KCNQ2: variants seen among roughly 807,000 people sequenced by gnomAD.
KCNQ2 encodes potassium voltage-gated channel subfamily Q member 2.
KCNQ2 carries 14 observed loss-of-function variants against 84.8 expected under a neutral mutation model. The observed-to-expected ratio is 0.17, with a 90% CI of 0.11 to 0.26. The LOEUF is 0.26. Among genes scored for constraint, KCNQ2 ranks in the 10% least tolerant of loss-of-function variants. KCNQ2 has a pLI of 1.00. For missense variants in KCNQ2, 788 were observed against 1,254.0 expected (o/e 0.63, Z 5.61); for synonymous variants, 599 against 554.1 (o/e 1.08, Z -1.14).
chr20:63,459,461 G>C (rs1416170042), intron 1 of KCNQ2: 2 of 152,260 alleles, frequency 1.3e-5, no homozygotes, highest in Non-Finnish European at 2.9e-5. Flanking sequence ...GCAGTGAGCT[G>C]TGATTGAGAC....
intron 10 of KCNQ2, among the ~76,000 whole-genome samples, chr20:63,424,837 G>A (rs1016204654): frequency 1.3e-5 from 2 of 152,248 alleles, no homozygotes; most frequent in Admixed American, 6.5e-5. Context: ...TCGGCGGATC[G>A]TGATTTGGCT....
chr20:63,468,743 C>G (rs1052702893), intron 1 of KCNQ2, among the ~76,000 whole-genome samples: 6 of 152,226 alleles, frequency 3.9e-5, no homozygotes, highest in African/African-American at 1.4e-4. Flanking sequence ...GGGACAGGCC[C>G]TCCCCGGTGC....
intron 9 of KCNQ2, 51 bp from the exon 10 acceptor site, chr20:63,428,486 G>C: frequency 5.5e-6 from 8 of 1,453,256 alleles, no homozygotes; most frequent in Non-Finnish European, 5.7e-6. Context: ...CCCGAGTCCT[G>C]GGACACCTCC....
intron 14 of KCNQ2, among the ~76,000 whole-genome samples, chr20:63,413,821 G>C (rs1339298821): frequency 3.3e-5 from 5 of 152,210 alleles, no homozygotes; most frequent in Admixed American, 3.3e-4. Flanking sequence ...GCAGGCAGAA[G>C]GTGGCTGAGT....
intron 1 of KCNQ2, among the ~76,000 whole-genome samples, chr20:63,456,518 C>T (rs1234448155): frequency 2.0e-5 from 3 of 152,134 alleles, no homozygotes; most frequent in African/African-American, 7.2e-5. Context: ...GGAGGGAAGG[C>T]GTCACCACCT....
intron 1 of KCNQ2, among the ~76,000 whole-genome samples, chr20:63,450,796 G>A (rs1159829941): frequency 1.3e-5 from 2 of 151,820 alleles, no homozygotes; most frequent in African/African-American, 2.4e-5. Flanking sequence ...TGTCTCACAG[G>A]GCACTCTACC....
At chr20:63,432,691 GCC>G (rs2080855350) in intron 8 of KCNQ2, among the ~76,000 whole-genome samples, 1 of 124,972 alleles carries the variant, frequency 8.0e-6, no homozygotes, top group Admixed American at 7.9e-5. Flanking sequence ...CTCAGGGAAG[GCC>G]CCACCCTCTG....
At position 63,407,037 on chromosome 20, in the gene KCNQ2, G is replaced by A. The variant is rs1241315275; in HGVS notation, c.2226C>T (p.Ile742=). 27 of 1,519,204 alleles carry A rather than the reference G, an allele frequency of 1.8e-5. 1 individual carries two copies. The Admixed American group carries it at 5.5e-4, about 31-fold the overall frequency. The allele number at this position is 1,519,204 out of a possible 1,614,324, so 94.1% of individuals were successfully genotyped here. ...PVGDHGSLVR[I]PPPPAHERSL... ...ACCGCTCGTGGGCAGGCGGCGGCGG[G>A]ATGCGCACCAGGGAGCCGTGGTCCC... The change falls in exon 17 of 17, where the codon ATC becomes ATT. Residue 742 remains isoleucine, a synonymous_variant. Transcript: ENST00000359125. The surrounding 1 kb of genome is among the most constrained non-coding windows in gnomAD (Gnocchi z 7.2).
chr20:63,468,407 G>C (rs955755500), intron 1 of KCNQ2, among the ~76,000 whole-genome samples: 1 of 152,226 alleles, frequency 6.6e-6, no homozygotes, highest in Non-Finnish European at 1.5e-5. Context: ...ACCAAGAAGA[G>C]AGTGTCTGAA....
At chr20:63,470,178 C>T (rs997612727) in intron 1 of KCNQ2, among the ~76,000 whole-genome samples, 19 of 151,816 alleles carry the variant, frequency 1.3e-4, no homozygotes, top group South Asian at 8.3e-4. Context: ...CCAAAGGGGC[C>T]GCCTCCCTGA....
chr20:63,410,786 C>G (rs947124487), intron 15 of KCNQ2, among the ~76,000 whole-genome samples: 1 of 152,206 alleles, frequency 6.6e-6, no homozygotes, highest in East Asian at 1.9e-4. Flanking sequence ...CCCACCAGCT[C>G]AGGCCTGGGC....
chr20:63,450,442 G>A (rs1206447182), intron 1 of KCNQ2, among the ~76,000 whole-genome samples: 2 of 126,778 alleles, frequency 1.6e-5, no homozygotes, highest in East Asian at 2.3e-4. Flanking sequence ...GGTGTGGGAC[G>A]CTGTGGCTGC....
chr20:63,471,588 G>C (rs1364810510), intron 1 of KCNQ2: 1 of 152,860 alleles, frequency 6.5e-6, no homozygotes, highest in Non-Finnish European at 1.5e-5. Flanking sequence ...GGGCCAGGGA[G>C]GGGCGTCGGC....
At chr20:63,418,753 G>A (rs761230794) in intron 12 of KCNQ2, among the ~76,000 whole-genome samples, 12 of 152,196 alleles carry the variant, frequency 7.9e-5, no homozygotes, top group Non-Finnish European at 1.3e-4. Context: ...AAGCACCAAC[G>A]CCCCCAGAAG....
rs185287315 is a variant in KCNQ2 at position 63,472,551 on chromosome 20, C to G, written c.-88G>C. ...GGCGCGGGCCCCAGCCCAGGCCCCC[C>G]GGCCGGGAGCCGCATGGCCGAGGCG... On this transcript the variant is annotated 5_prime_UTR_variant, in exon 1 of 17. Coordinates refer to ENST00000359125, the MANE Select transcript of KCNQ2 (RefSeq NM_172107.4). 3.5e-6 allele frequency: 4 copies of G among 1,156,032 alleles called. No homozygotes were observed. Among genetic ancestry groups the G allele is most frequent in the Non-Finnish European group, 4.3e-6 (4 of 924,970 alleles). 71.6% of individuals were successfully genotyped at this position (1,156,032 alleles called of 1,614,324 possible). A position where few individuals can be genotyped will look rare whatever the true frequency, so the allele number is the denominator to read the frequency against.
In KCNQ2 at chr20:63,434,873, G is replaced by C. The variant is rs558106615; in HGVS notation, c.1024-970C>G. On this transcript the variant is annotated intron_variant, in intron 7 of 16. Coordinates refer to ENST00000359125, the MANE Select transcript of KCNQ2 (RefSeq NM_172107.4). ...TGTTTCCACTTTTTGGTTCCTATGA[G>C]TGGTGCTGCTGTGAAATTTGTGTGC... The C allele has an allele frequency of 2.0e-5, 3 of 152,392 alleles. No individual in the cohort carries two copies. The South Asian group carries it at 6.2e-4, about 32-fold the overall frequency. 9.4% of individuals were successfully genotyped at this position (152,392 alleles called of 1,614,324 possible).
rs528793679 is a variant in KCNQ2, at chr20:63,401,391, T to C, written c.*5253A>G. ...ATGGAAAGCTCCTGGGTGTGCAGCTTCTCTAGGTCTCCCGGAGGGACAGGA... is the reference window on the plus strand; with the variant it reads ...ATGGAAAGCTCCTGGGTGTGCAGCTCCTCTAGGTCTCCCGGAGGGACAGGA... On this transcript the variant is annotated 3_prime_UTR_variant, in exon 17 of 17. Coordinates refer to ENST00000359125, the MANE Select transcript of KCNQ2 (RefSeq NM_172107.4). 6 of 152,998 alleles carry C rather than the reference T, an allele frequency of 3.9e-5. No homozygotes were observed. The South Asian group carries it at 1.0e-3, about 26-fold the overall frequency. The allele number at this position is 152,998 out of a possible 1,614,324, so 9.5% of individuals were successfully genotyped here.
intron 5 of KCNQ2, among the ~76,000 whole-genome samples, chr20:63,440,064 G>A (rs1419770233): frequency 6.6e-6 from 1 of 152,240 alleles, no homozygotes; most frequent in East Asian, 1.9e-4. Context: ...GGAGTGCCCA[G>A]AGGGACCCAG....
intron 1 of KCNQ2, among the ~76,000 whole-genome samples, chr20:63,470,225 G>C (rs1159011205): frequency 7.0e-6 from 1 of 143,620 alleles, no homozygotes; most frequent in Non-Finnish European, 1.5e-5. Context: ...AGGAGCTGAG[G>C]AGAGCCTGGG....
Sources: gnomAD v4.1 joint callset for allele counts (sites outside exome capture counted in the v4.1 genomes callset) on GRCh38, gnomAD v4.1.1 for gene constraint, Gnocchi (gnomAD v3.1) non-coding constraint, MANE v1.5 for transcripts, NCBI Gene and HGNC (gene_info 2026-07-23, HGNC 2026-07-21) for gene names.